ZFP1: variants seen among roughly 807,000 people sequenced by gnomAD.
ZFP1 encodes zinc finger protein 1 homolog.
ZFP1 carries 32 observed loss-of-function variants against 38.5 expected under a neutral mutation model. That is an observed-to-expected ratio of 0.83 (90% CI 0.63 to 1.12). ZFP1 has a LOEUF of 1.12. Among genes scored for constraint, ZFP1 ranks in the 50% most tolerant of loss-of-function variants. ZFP1 has a pLI of 0.00. For synonymous variants in ZFP1, 245 were observed against 168.8 expected, an observed-to-expected ratio of 1.45 and a Z score of -3.50; for missense variants, 616 against 480.8, an observed-to-expected ratio of 1.28 and a Z score of -2.63.
chr16:75,132,864 T>C, the ZFP1 span, among the ~76,000 whole-genome samples: 2 of 151,832 alleles, frequency 1.3e-5, no homozygotes, highest in East Asian at 3.9e-4. Context: ...TTCACCATGT[T>C]GGCCAGGCTG....
rs763427975 is a variant in ZFP1 at position 75,170,239 on chromosome 16, G to C, written c.1129G>C (p.Glu377Gln). Residue 377 changes from glutamate (E) to glutamine (Q), a missense_variant, in exon 4 of 4, where the codon GAG becomes CAG. Transcript: ENST00000570010. Reference sequence around the variant, plus strand: ...ATTACACTTGCGAATCCACACAGGAGAGAAACCATATGAGTGTTCCGAATG... The same window carrying C: ...ATTACACTTGCGAATCCACACAGGACAGAAACCATATGAGTGTTCCGAATG... ...LRLHLRIHTG[E>Q]KPYECSECGK... 1 of 1,614,158 alleles carries C rather than the reference G, an allele frequency of 6.2e-7. No individual in the cohort carries two copies. Among genetic ancestry groups the C allele is most frequent in the Non-Finnish European group, 8.5e-7 (1 of 1,180,022 alleles).
chr16:75,146,163 T>C (rs1003491834), upstream of ZFP1, among the ~76,000 whole-genome samples: 59 of 92,854 alleles, frequency 6.4e-4, no homozygotes, highest in Non-Finnish European at 8.4e-4. Flanking sequence ...ACCATGCTAA[T>C]TTTTTTTTTT....
upstream of ZFP1, among the ~76,000 whole-genome samples, chr16:75,146,894 C>T (rs147735226): frequency 0.036 from 4,975 of 138,494 alleles, 292 homozygotes; most frequent in African/African-American, 0.13. Context: ...GAGCCATGAT[C>T]GCACCACTGC....
At chr16:75,147,281 T>C (rs2036963706), upstream of ZFP1, among the ~76,000 whole-genome samples, 1 of 151,958 alleles carries the variant, frequency 6.6e-6, no homozygotes, top group African/African-American at 2.4e-5. Context: ...GTGCCAATGA[T>C]TTTGTTTTTT....
rs1306728025 is a variant in ZFP1 at position 75,161,784 on chromosome 16, T to A, written c.16-4986T>A. Among the ~76,000 whole-genome samples the A allele has an allele frequency of 4.7e-3, 102 of 21,506 alleles. 8 individuals are homozygous for A. The South Asian group carries it at 0.12, about 25-fold the overall frequency. The allele number at this position is 21,506 out of a possible 152,430, so 14.1% of individuals were successfully genotyped here. On this transcript the variant is annotated intron_variant, in intron 2 of 3. Coordinates refer to ENST00000570010, the MANE Select transcript of ZFP1 (RefSeq NM_153688.4). ...TATATATATATATATATTTTTTTTT[T>A]TTTTTTTTTTTTTTTTCCTGAGATG...
chr16:75,140,429 A>G, the ZFP1 span, among the ~76,000 whole-genome samples: 1 of 152,146 alleles, frequency 6.6e-6, no homozygotes, highest in Non-Finnish European at 1.5e-5. Context: ...ATTGAAAAAC[A>G]ATGCACTGTC....
chr16:75,165,451 G>A (rs1051650062), intron 2 of ZFP1, among the ~76,000 whole-genome samples: 1 of 152,036 alleles, frequency 6.6e-6, no homozygotes, highest in African/African-American at 2.4e-5. Flanking sequence ...CTCAAGTGCA[G>A]TGGGGCAGTC....
the ZFP1 span, among the ~76,000 whole-genome samples, chr16:75,122,810 T>C: frequency 6.6e-6 from 1 of 152,228 alleles, no homozygotes; most frequent in African/African-American, 2.4e-5. Flanking sequence ...TGCCCAGGAA[T>C]GAACAAGAAC....
chr16:75,166,390 T>TGC (rs2038083851), intron 2 of ZFP1, among the ~76,000 whole-genome samples: 1 of 152,118 alleles, frequency 6.6e-6, no homozygotes, highest in Non-Finnish European at 1.5e-5. Context: ...TGTGCCACCA[T>TGC]GCCCGACTAA....
At chr16:75,124,727 C>T in the ZFP1 span, among the ~76,000 whole-genome samples, 4 of 140,698 alleles carry the variant, frequency 2.8e-5, no homozygotes, top group Admixed American at 7.4e-5. Context: ...GCGGAGCTTG[C>T]GGCGAGCTGA....
upstream of ZFP1, among the ~76,000 whole-genome samples, chr16:75,146,590 G>A (rs1050783040): frequency 6.6e-6 from 1 of 152,162 alleles, no homozygotes; most frequent in African/African-American, 2.4e-5. Context: ...ATCTTCAGTA[G>A]GTGAATGGAT....
At chr16:75,160,656 CAAAAAA>C (rs71158584) in intron 2 of ZFP1, among the ~76,000 whole-genome samples, 1 of 101,572 alleles carries the variant, frequency 9.8e-6, no homozygotes, top group Non-Finnish European at 2.0e-5. Flanking sequence ...GAGACTGCCT[CAAAAAA>C]AAAAAAAAAA....
Position 75,166,539 on chromosome 16 carries a change from T to C in ZFP1, c.16-231T>C, listed in dbSNP as rs1027488659. The C allele has an allele frequency of 4.1e-6, 4 of 985,130 alleles. No individual in the cohort carries two copies. The African/African-American group carries it at 7.0e-5, about 17-fold the overall frequency. 61.0% of individuals were successfully genotyped at this position (985,130 alleles called of 1,614,324 possible). ...CCACTATGCCTGGCCAATAGTGTTTTATTAATCTGAGACACCTATCAAATA... is the reference window on the plus strand; with the variant it reads ...CCACTATGCCTGGCCAATAGTGTTTCATTAATCTGAGACACCTATCAAATA... On this transcript the variant is annotated intron_variant, in intron 2 of 3. Transcript: ENST00000570010.
the ZFP1 span, among the ~76,000 whole-genome samples, chr16:75,140,649 A>C: frequency 6.6e-5 from 10 of 152,182 alleles, no homozygotes; most frequent in Admixed American, 5.2e-4. Flanking sequence ...TGCTGAATAA[A>C]GGAATAGAAA....
chr16:75,167,170 A>G (rs770351415), intron 3 of ZFP1, among the ~76,000 whole-genome samples: 4 of 152,248 alleles, frequency 2.6e-5, no homozygotes, highest in Non-Finnish European at 5.9e-5. Context: ...TTTGGGTAGC[A>G]TAGAGTTGTC....
the ZFP1 span, among the ~76,000 whole-genome samples, chr16:75,139,645 G>C: frequency 6.6e-6 from 1 of 152,146 alleles, no homozygotes; most frequent in Non-Finnish European, 1.5e-5. Flanking sequence ...TTACAGGCAT[G>C]AGCTACCACA....
intron 3 of ZFP1, among the ~76,000 whole-genome samples, chr16:75,167,979 G>C (rs1334973159): frequency 1.3e-5 from 2 of 152,020 alleles, no homozygotes; most frequent in Non-Finnish European, 2.9e-5. Flanking sequence ...TGTAATCCCA[G>C]CTACTCGGGA....
intron 2 of ZFP1, among the ~76,000 whole-genome samples, chr16:75,160,779 T>G (rs1317017009): frequency 2.0e-5 from 3 of 151,992 alleles, no homozygotes; most frequent in African/African-American, 7.2e-5. Flanking sequence ...AAATGCTGCA[T>G]CCTTCAGAGG....
At chr16:75,151,293 C>CT (rs1221417790) in intron 1 of ZFP1, among the ~76,000 whole-genome samples, 4 of 151,732 alleles carry the variant, frequency 2.6e-5, no homozygotes, top group African/African-American at 7.3e-5. Context: ...TTTGGTCTTA[C>CT]TTTTTTTATA....
Sources: gnomAD v4.1 joint callset for allele counts (sites outside exome capture counted in the v4.1 genomes callset) on GRCh38, gnomAD v4.1.1 for gene constraint, MANE v1.5 for transcripts, NCBI Gene and HGNC (gene_info 2026-07-23, HGNC 2026-07-21) for gene names.